The following GOLGA3 variants were observed in gnomAD, a reference collection of about 807,000 sequenced individuals.
GOLGA3 encodes the protein golgin subfamily A member 3.
Under a neutral mutation model 169.4 loss-of-function variants are expected in GOLGA3, and 75 were observed. The ratio of observed to expected loss-of-function variants is 0.44; its 90% CI spans 0.37 to 0.54. GOLGA3 has a LOEUF of 0.54. Among genes scored for constraint, GOLGA3 ranks in the 20% least tolerant of loss-of-function variants. The probability of loss-of-function intolerance (pLI) is 0.00; values close to 1 mark genes in which losing one functional copy is unlikely to be tolerated. For synonymous variants in GOLGA3, 824 were observed against 822.4 expected, an observed-to-expected ratio of 1.00 and a Z score of -0.03; for missense variants, 1,899 against 1,930.0, an observed-to-expected ratio of 0.98 and a Z score of 0.30.
At chr12:132,780,585 G>A (rs185599893) in intron 18 of GOLGA3, among the ~76,000 whole-genome samples, 3 of 152,304 alleles carry the variant, frequency 2.0e-5, no homozygotes, top group East Asian at 1.9e-4. Context: ...GAGCTCATTG[G>A]CCCCAGGCCC....
rs1320525834 is a variant in GOLGA3, at chr12:132,807,882, C to G, written c.1178+9G>C. On this transcript the variant is annotated intron_variant, in intron 5 of 23. Transcript: ENST00000450791. Reference sequence around the variant, plus strand: ...CACCCACCCCGCCCACCTCTGCTGTCCCCACCACCTGCTGCAGATGCTGTC... The same window carrying G: ...CACCCACCCCGCCCACCTCTGCTGTGCCCACCACCTGCTGCAGATGCTGTC... The G allele has an allele frequency of 1.5e-5, 13 of 858,708 alleles. No individual in the cohort carries two copies. The highest frequency in any genetic ancestry group is 2.3e-5 in the Non-Finnish European group (13 of 572,042). 53.2% of individuals were successfully genotyped at this position (858,708 alleles called of 1,614,324 possible).
intron 1 of GOLGA3, chr12:132,826,203 G>A (rs377260724): frequency 7.1e-5 from 105 of 1,485,962 alleles, no homozygotes; most frequent in Non-Finnish European, 8.8e-5. Context: ...ACATCAGCCC[G>A]CTCCCCACAA....
intron 9 of GOLGA3, 56 bp downstream of exon 9, chr12:132,798,284 G>A: frequency 6.7e-7 from 1 of 1,497,156 alleles, no homozygotes; most frequent in South Asian, 1.2e-5. Flanking sequence ...AACACACATG[G>A]TATCGATGTC....
rs759658197 is a variant in GOLGA3 at position 132,769,024 on chromosome 12, C to T, written c.*4081G>A. The T allele has an allele frequency of 1.4e-4, 21 of 152,760 alleles. No individual in the cohort carries two copies. Among genetic ancestry groups the T allele is most frequent in the Middle Eastern group, 6.8e-3 (2 of 294 alleles). 9.5% of individuals were successfully genotyped at this position (152,760 alleles called of 1,614,324 possible). On this transcript the variant is annotated 3_prime_UTR_variant, in exon 24 of 24. Coordinates refer to ENST00000450791, the MANE Select transcript of GOLGA3 (RefSeq NM_001389683.1). ...AGTTACACTTTGTCAGACACGGTGA[C>T]CCCTTTCCCAAGAACAGCCACAACT...
At chr12:132,794,334 A>T (rs77409204) in intron 11 of GOLGA3, among the ~76,000 whole-genome samples, 91 of 104,058 alleles carry the variant, frequency 8.7e-4, no homozygotes, top group African/African-American at 2.7e-3. Context: ...GTATCTATTT[A>T]AAAAAAAAAA....
chr12:132,816,908 G>T, intron 2 of GOLGA3, 96 bp from the exon 3 acceptor site: 1 of 1,113,938 alleles, frequency 9.0e-7, no homozygotes, highest in Non-Finnish European at 1.3e-6. Context: ...AGAGGATCCA[G>T]ACTCATGAGC....
Position 132,801,799 on chromosome 12 carries a change from C to T in GOLGA3, c.1768G>A (p.Val590Ile), listed in dbSNP as rs773940644. 3.8e-5 allele frequency: 62 copies of T among 1,611,730 alleles called. No individual in the cohort carries two copies. The East Asian group carries it at 1.1e-3, about 28-fold the overall frequency. Residue 590 changes from valine (V) to isoleucine (I), a missense_variant, in exon 8 of 24, where the codon GTC becomes ATC. Physicochemically the swap from Val to Ile is conservative, Grantham distance 29 (BLOSUM62 3). Transcript: ENST00000450791. ...TGGGCCATCTCACCCTGCAGCCTGA[C>T]GCGGGCCTCCTGTGCCAGGGCGAGC... ...QQLALAQEARVRLQGEMAHIQ... is the reference protein window; with the variant it reads ...QQLALAQEARIRLQGEMAHIQ...
At chr12:132,775,791 A>G (rs1401506228) in intron 21 of GOLGA3, among the ~76,000 whole-genome samples, 1 of 152,174 alleles carries the variant, frequency 6.6e-6, no homozygotes, top group Non-Finnish European at 1.5e-5. Context: ...CAAGCCCCTC[A>G]TTTACAAGGG....
At chr12:132,823,362 T>C (rs1282615999) in intron 1 of GOLGA3, among the ~76,000 whole-genome samples, 9 of 152,288 alleles carry the variant, frequency 5.9e-5, no homozygotes, top group South Asian at 2.1e-4. Context: ...TGCAGAAATG[T>C]TGGCATTTAT....
intron 13 of GOLGA3, 145 bp downstream of exon 13, chr12:132,788,882 C>A: frequency 1.2e-6 from 1 of 815,080 alleles, no homozygotes; most frequent in South Asian, 1.9e-5. Context: ...GCCTCTCCCA[C>A]CTTGGCCCCA....
chr12:132,805,601 G>A (rs1290067732), intron 6 of GOLGA3, among the ~76,000 whole-genome samples: 2 of 139,004 alleles, frequency 1.4e-5, no homozygotes, highest in East Asian at 2.2e-4. Flanking sequence ...ACCCCCAGGC[G>A]CTCTCCCAAG....
intron 6 of GOLGA3, among the ~76,000 whole-genome samples, chr12:132,806,173 G>A (rs1949389983): frequency 6.6e-6 from 1 of 152,202 alleles, no homozygotes; most frequent in African/African-American, 2.4e-5. Flanking sequence ...CCTAGAGCAA[G>A]GGGCCAGCAA....
intron 13 of GOLGA3, among the ~76,000 whole-genome samples, chr12:132,787,581 CCCT>C (rs2045967641): frequency 7.0e-6 from 1 of 142,992 alleles, no homozygotes; most frequent in Non-Finnish European, 1.6e-5. Context: ...ACCCCGGGAC[CCCT>C]CCCCAGAACC....
At position 132,808,568 on chromosome 12, in the gene GOLGA3, T is replaced by C. The variant is rs1949540158; in HGVS notation, c.520-19A>G. ...GACTGGACTGAGAAGAAAACAAAAGTACAAAAATTACATTTAAAATCCACA... is the reference window on the plus strand; with the variant it reads ...GACTGGACTGAGAAGAAAACAAAAGCACAAAAATTACATTTAAAATCCACA... On this transcript the variant is annotated intron_variant, in intron 4 of 23. Coordinates refer to ENST00000450791, the MANE Select transcript of GOLGA3 (RefSeq NM_001389683.1). 1.9e-6 allele frequency: 3 copies of C among 1,541,330 alleles called. No homozygotes were observed. The highest frequency in any genetic ancestry group is 1.4e-5 in the African/African-American group (1 of 72,048).
intron 11 of GOLGA3, among the ~76,000 whole-genome samples, chr12:132,794,805 C>T (rs1469165524): frequency 6.6e-6 from 1 of 152,182 alleles, no homozygotes; most frequent in Non-Finnish European, 1.5e-5. Flanking sequence ...TAGAAAATCA[C>T]TTAGTACAGG....
chr12:132,773,392 C>T (rs575572787), intron 23 of GOLGA3, 98 bp from the exon 24 acceptor site: 6 of 744,870 alleles, frequency 8.1e-6, no homozygotes, highest in South Asian at 6.8e-5. Flanking sequence ...CTGAGTGGAC[C>T]GGGGCGCCTT....
chr12:132,785,012 T>C (rs2045825199), intron 15 of GOLGA3, among the ~76,000 whole-genome samples: 1 of 152,236 alleles, frequency 6.6e-6, no homozygotes, highest in African/African-American at 2.4e-5. Context: ...CAGTACCACC[T>C]AACTTAACCC....
chr12:132,819,077 G>C (rs891231091), intron 2 of GOLGA3, among the ~76,000 whole-genome samples: 5 of 144,500 alleles, frequency 3.5e-5, no homozygotes, highest in Non-Finnish European at 5.9e-5. Flanking sequence ...AAAGAACCAA[G>C]ACATGTGAGG....
intron 8 of GOLGA3, 83 bp downstream of exon 8, chr12:132,801,684 A>C (rs1949133951): frequency 4.4e-6 from 6 of 1,363,714 alleles, no homozygotes; most frequent in Non-Finnish European, 6.1e-6. Flanking sequence ...GAACTCTAAA[A>C]ACAGAAAAAT....
Sources: allele counts gnomAD v4.1 joint callset (sites outside exome capture counted in the v4.1 genomes callset), GRCh38; gene constraint gnomAD v4.1.1; transcripts MANE v1.5; gene names NCBI Gene and HGNC (gene_info 2026-07-23, HGNC 2026-07-21).